Variants in PTPRG observed in about 807,000 individuals in gnomAD.
PTPRG encodes the protein protein tyrosine phosphatase receptor type G.
A neutral mutation model predicts 165.3 loss-of-function variants in PTPRG; 102 were observed. That is an observed-to-expected ratio of 0.62 (90% CI 0.53 to 0.73). PTPRG has a LOEUF of 0.73. PTPRG is among the 30% of genes least tolerant of loss of function. The pLI is 0.00. For missense variants in PTPRG, 1,866 were observed against 1,861.4 expected (o/e 1.00, Z -0.05); for synonymous variants, 675 against 669.5 (o/e 1.01, Z -0.13).
At chr3:61,889,765 C>T (rs931445532) in intron 2 of PTPRG, among the ~76,000 whole-genome samples, 1 of 152,194 alleles carries the variant, frequency 6.6e-6, no homozygotes, top group Non-Finnish European at 1.5e-5. Flanking sequence ...TAAACTATTT[C>T]CATCCTAAAC....
intron 6 of PTPRG, among the ~76,000 whole-genome samples, chr3:62,134,523 T>C (rs1353412265): frequency 6.6e-6 from 1 of 152,174 alleles, no homozygotes; most frequent in Non-Finnish European, 1.5e-5. Context: ...GGTGTCTCCT[T>C]CTTATGCCTT....
At chr3:62,074,197 G>GTGT (rs1239470413) in intron 4 of PTPRG, among the ~76,000 whole-genome samples, 13 of 151,276 alleles carry the variant, frequency 8.6e-5, no homozygotes. Flanking sequence ...GTGTGTGTGT[G>GTGT]TGTGTGTGTG....
At chr3:62,196,529 A>C (rs2106821528) in intron 10 of PTPRG, among the ~76,000 whole-genome samples, 1 of 152,340 alleles carries the variant, frequency 6.6e-6, no homozygotes, top group Non-Finnish European at 1.5e-5. Context: ...ACTTGCGCCA[A>C]CCTAATCCCA....
At chr3:61,933,530 T>G (rs934794944) in intron 2 of PTPRG, among the ~76,000 whole-genome samples, 22 of 152,188 alleles carry the variant, frequency 1.4e-4, no homozygotes, top group Middle Eastern at 6.4e-3. Context: ...TAAGTGATAA[T>G]GGAAGTGCTG....
intron 21 of PTPRG, 144 bp from the exon 22 acceptor site, chr3:62,272,802 A>G (rs1702109242): frequency 1.1e-6 from 1 of 922,884 alleles, no homozygotes. Context: ...GCGCCACTGC[A>G]CTCCAGCCTG....
chr3:62,266,792 T>G (rs954650126), intron 17 of PTPRG, among the ~76,000 whole-genome samples: 2 of 147,834 alleles, frequency 1.4e-5, no homozygotes, highest in African/African-American at 5.0e-5. Context: ...TTTGCTATCC[T>G]AAAAAAAACA....
At chr3:61,974,601 T>G (rs551097154) in intron 2 of PTPRG, among the ~76,000 whole-genome samples, 1 of 152,172 alleles carries the variant, frequency 6.6e-6, no homozygotes, top group Non-Finnish European at 1.5e-5. Flanking sequence ...CACTGTGCCT[T>G]TTCGTGACTG....
chr3:61,621,051 A>ATATATATATATATGTGTGTG, intron 1 of PTPRG, among the ~76,000 whole-genome samples: 7 of 117,976 alleles, frequency 5.9e-5, no homozygotes, highest in Non-Finnish European at 1.3e-4. Context: ...ATATATATAT[A>ATATATATATATATGTGTGTG]TGTGTGTGTG....
At chr3:61,575,008 ACTTC>A (rs1470031454) in intron 1 of PTPRG, among the ~76,000 whole-genome samples, 1 of 152,194 alleles carries the variant, frequency 6.6e-6, no homozygotes, top group Non-Finnish European at 1.5e-5. Context: ...ACTAGGCTCC[ACTTC>A]CCAGCACCAC....
At chr3:61,858,046 CTGATACA>C (rs2037162194) in intron 2 of PTPRG, among the ~76,000 whole-genome samples, 1 of 152,198 alleles carries the variant, frequency 6.6e-6, no homozygotes, top group African/African-American at 2.4e-5. Context: ...CTGGCTTAAA[CTGATACA>C]TGTTTTCAAT....
intron 1 of PTPRG, among the ~76,000 whole-genome samples, chr3:61,668,026 T>G (rs956494336): frequency 6.6e-6 from 1 of 152,210 alleles, no homozygotes; most frequent in African/African-American, 2.4e-5. Flanking sequence ...ATGGCTGTTT[T>G]CTTGCTACAA....
intron 5 of PTPRG, among the ~76,000 whole-genome samples, chr3:62,089,964 C>T (rs1303659855): frequency 6.6e-6 from 1 of 152,102 alleles, no homozygotes; most frequent in Admixed American, 6.6e-5. Context: ...TTGCTACCTC[C>T]ATGTATCAAC....
chr3:61,608,880 C>T (rs1701086690), intron 1 of PTPRG, among the ~76,000 whole-genome samples: 1 of 152,114 alleles, frequency 6.6e-6, no homozygotes, highest in African/African-American at 2.4e-5. Flanking sequence ...GCTATTGTCC[C>T]TTTAGGGGAT....
intron 2 of PTPRG, among the ~76,000 whole-genome samples, chr3:61,920,896 AT>A (rs1178054284): frequency 6.6e-6 from 1 of 152,230 alleles, no homozygotes; most frequent in African/African-American, 2.4e-5. Flanking sequence ...ATAAAAATGA[AT>A]TTTGAGTTGA....
intron 2 of PTPRG, among the ~76,000 whole-genome samples, chr3:61,821,697 G>A (rs930441704): frequency 6.6e-6 from 1 of 152,206 alleles, no homozygotes; most frequent in Admixed American, 6.5e-5. Context: ...GATATAAACA[G>A]TAGAGGGTAA....
In PTPRG at chr3:61,995,513, C is replaced by T. The variant is rs147404256; in HGVS notation, c.370+5709C>T. ...GTGGCATGGTTGCTCAAGTGTAACA[C>T]GGATGCCTTTAGTAATCAAGAGATT... On this transcript the variant is annotated intron_variant, in intron 3 of 29. Transcript: ENST00000474889. Among the ~76,000 whole-genome samples, 19 of 152,006 alleles carry T rather than the reference C, an allele frequency of 1.2e-4. 1 individual carries two copies. In the East Asian group the frequency reaches 2.1e-3, roughly 17 times the overall value.
In PTPRG at chr3:62,190,287, C is replaced by T. The variant is rs2106802054; in HGVS notation, c.1034-1182C>T. Among the ~76,000 whole-genome samples, 1 of 152,302 alleles carries T rather than the reference C, an allele frequency of 6.6e-6. No homozygotes were observed. The highest frequency in any genetic ancestry group is 2.4e-5 in the African/African-American group (1 of 41,578). The stretch of plus-strand genomic sequence containing the variant: ...GCTGCTATACAGTACACAGGACAGT[C>T]CCCAAGAGCAAGGCATTGTCTAGCT... On this transcript the variant is annotated intron_variant, in intron 8 of 29. Coordinates refer to ENST00000474889, the MANE Select transcript of PTPRG (RefSeq NM_002841.4). This position sits in a 1 kb window ranked among gnomAD's most constrained non-coding sequence, Gnocchi z 5.2.
chr3:62,281,454 TTAAACGA>T, intron 26 of PTPRG, 102 bp from the exon 27 acceptor site: 1 of 984,450 alleles, frequency 1.0e-6, no homozygotes, highest in Non-Finnish European at 1.5e-6. Flanking sequence ...TGAATTCAGT[TTAAACGA>T]TGGCTTGAGA....
intron 1 of PTPRG, among the ~76,000 whole-genome samples, chr3:61,666,792 C>G (rs1702824224): frequency 6.6e-6 from 1 of 152,196 alleles, no homozygotes; most frequent in Non-Finnish European, 1.5e-5. Flanking sequence ...CACTCATCCT[C>G]TTTGTAATAC....
Sources: allele counts gnomAD v4.1 joint callset (sites outside exome capture counted in the v4.1 genomes callset), GRCh38; gene constraint gnomAD v4.1.1; non-coding constraint Gnocchi (gnomAD v3.1); transcripts MANE v1.5; gene names NCBI Gene and HGNC (gene_info 2026-07-23, HGNC 2026-07-21).